Variants in RARB observed in about 807,000 individuals in gnomAD.
RARB encodes HBV-activated protein.
A neutral mutation model predicts 51.9 loss-of-function variants in RARB; 17 were observed. The observed-to-expected ratio is 0.33, with a 90% CI of 0.22 to 0.49. The LOEUF (loss-of-function observed/expected upper bound fraction) is 0.49. RARB is among the 20% of genes least tolerant of loss of function. RARB has a pLI of 0.99. For missense variants in RARB, 369 were observed against 550.8 expected (o/e 0.67, Z 3.30); for synonymous variants, 215 against 195.4 (o/e 1.10, Z -0.84).
intron 5 of RARB, among the ~76,000 whole-genome samples, chr3:25,184,217 T>C (rs1435825571): frequency 6.6e-6 from 1 of 152,110 alleles, no homozygotes; most frequent in Non-Finnish European, 1.5e-5. Context: ...AATGAGAATG[T>C]GCATTGTTAA....
chr3:24,865,776 TG>T (rs1702836141), intron 2 of RARB, among the ~76,000 whole-genome samples: 1 of 152,232 alleles, frequency 6.6e-6, no homozygotes, highest in South Asian at 2.1e-4. Context: ...GTGGTCTTAC[TG>T]AATATTGTCT....
At chr3:25,156,267 C>T (rs1422271832) in intron 4 of RARB, among the ~76,000 whole-genome samples, 1 of 152,118 alleles carries the variant, frequency 6.6e-6, no homozygotes, top group East Asian at 1.9e-4. Context: ...GCTTTGTGAT[C>T]TTCTTTGTTT....
intron 5 of RARB, among the ~76,000 whole-genome samples, chr3:25,239,629 C>A (rs181831488): frequency 1.3e-5 from 2 of 152,204 alleles, no homozygotes; most frequent in Non-Finnish European, 2.9e-5. Flanking sequence ...AGATTTATTT[C>A]TGGGTCCTCT....
intron 2 of RARB, among the ~76,000 whole-genome samples, chr3:25,007,370 A>G (rs1270220548): frequency 6.6e-6 from 1 of 152,046 alleles, no homozygotes; most frequent in Non-Finnish European, 1.5e-5. Context: ...TCACGCCTGT[A>G]ATCCCAGCAC....
intron 2 of RARB, among the ~76,000 whole-genome samples, chr3:25,002,554 C>T (rs925578096): frequency 1.3e-5 from 2 of 152,046 alleles, no homozygotes; most frequent in Non-Finnish European, 2.9e-5. Flanking sequence ...TGTTTTTAGA[C>T]TATAAAGTTT....
chr3:25,312,067 T>C (rs1559353376), intron 5 of RARB, among the ~76,000 whole-genome samples: 1 of 152,254 alleles, frequency 6.6e-6, no homozygotes, highest in Non-Finnish European at 1.5e-5. Flanking sequence ...GATGAGTTGT[T>C]TCCTGCGGTG....
chr3:25,260,570 T>A (rs111652718), intron 5 of RARB, among the ~76,000 whole-genome samples: 6 of 152,182 alleles, frequency 3.9e-5, no homozygotes, highest in African/African-American at 1.4e-4. Flanking sequence ...CAAATCAGAA[T>A]TGAGCCAAGT....
intron 4 of RARB, among the ~76,000 whole-genome samples, chr3:25,169,273 A>C (rs181381669): frequency 2.6e-5 from 4 of 152,354 alleles, no homozygotes; most frequent in African/African-American, 7.2e-5. Context: ...GAAAAAAGAG[A>C]GAAGCAATAA....
At chr3:24,852,208 T>C (rs1702569175) in intron 1 of RARB, among the ~76,000 whole-genome samples, 1 of 152,256 alleles carries the variant, frequency 6.6e-6, no homozygotes, top group Non-Finnish European at 1.5e-5. Context: ...ATGTTGGATG[T>C]ATTTTTATAT....
At chr3:25,237,969 A>C (rs1290751127) in intron 5 of RARB, among the ~76,000 whole-genome samples, 1 of 152,160 alleles carries the variant, frequency 6.6e-6, no homozygotes. Context: ...TGTACTTAGG[A>C]TATCCATCAC....
chr3:25,257,367 G>T (rs566479094), intron 5 of RARB, among the ~76,000 whole-genome samples: 1 of 151,988 alleles, frequency 6.6e-6, no homozygotes, highest in Non-Finnish European at 1.5e-5. Flanking sequence ...AGAAAAACAC[G>T]TATGAACAGG....
intron 3 of RARB, among the ~76,000 whole-genome samples, chr3:25,547,972 T>A (rs1699685032): frequency 6.6e-6 from 1 of 152,102 alleles, no homozygotes. Context: ...AAGAGACACA[T>A]TGTGATCTTA....
intron 5 of RARB, among the ~76,000 whole-genome samples, chr3:25,209,228 G>C (rs926324976): frequency 1.3e-5 from 2 of 152,198 alleles, no homozygotes; most frequent in East Asian, 1.9e-4. Context: ...AGTCAGGTTA[G>C]TCATGCAGAA....
At chr3:25,181,794 T>C (rs1402835498) in intron 5 of RARB, among the ~76,000 whole-genome samples, 2 of 152,174 alleles carry the variant, frequency 1.3e-5, no homozygotes, top group Non-Finnish European at 2.9e-5. Context: ...CTTTGTTCTG[T>C]TGGGAACTCT....
At chr3:25,466,759 G>A (rs983133386) in intron 2 of RARB, among the ~76,000 whole-genome samples, 15 of 152,192 alleles carry the variant, frequency 9.9e-5, no homozygotes, top group African/African-American at 3.4e-4. Context: ...TGAGGGCTAT[G>A]TGGTCTTTGC....
intron 5 of RARB, among the ~76,000 whole-genome samples, chr3:25,232,421 C>T (rs531228603): frequency 1.2e-3 from 180 of 151,830 alleles, no homozygotes; most frequent in Non-Finnish European, 2.4e-3. Context: ...GGCATCTTGG[C>T]AATATTAATA....
At chr3:25,015,418 A>G (rs1227304307) in intron 2 of RARB, among the ~76,000 whole-genome samples, 1 of 152,176 alleles carries the variant, frequency 6.6e-6, no homozygotes, top group Admixed American at 6.6e-5. Flanking sequence ...ATAATTTGTT[A>G]AAATAACTGT....
intron 5 of RARB, among the ~76,000 whole-genome samples, chr3:25,391,307 TG>T (rs1322560932): frequency 6.6e-6 from 1 of 152,202 alleles, no homozygotes; most frequent in African/African-American, 2.4e-5. Flanking sequence ...TATGGGCATT[TG>T]GGCTGGTTCC....
rs187906540 is a variant in RARB at position 25,472,356 on chromosome 3, G to A, written c.306+11015G>A. 3.2e-3 allele frequency among the ~76,000 whole-genome samples: 487 copies of A among 152,282 alleles called. 2 individuals are homozygous for A. The highest frequency in any genetic ancestry group is 0.011 in the African/African-American group (451 of 41,564). ...TTCTTAAAAGCCCCGGCCAAGAATG[G>A]CATACCTCATTGGCTAGAATGGGAC... On this transcript the variant is annotated intron_variant, in intron 2 of 7. Transcript: ENST00000330688.
Sources: allele counts gnomAD v4.1 joint callset (sites outside exome capture counted in the v4.1 genomes callset), GRCh38; gene constraint gnomAD v4.1.1; transcripts MANE v1.5; gene names NCBI Gene and HGNC (gene_info 2026-07-23, HGNC 2026-07-21).